Variants in NCOA1 observed in about 807,000 individuals in gnomAD.
NCOA1 encodes Hin-2 protein.
NCOA1 carries 35 observed loss-of-function variants against 150.9 expected under a neutral mutation model. The ratio of observed to expected loss-of-function variants is 0.23; its 90% CI spans 0.18 to 0.31. NCOA1 has a LOEUF of 0.31. Among genes scored for constraint, NCOA1 ranks in the 10% least tolerant of loss-of-function variants. The pLI is 1.00. For synonymous variants in NCOA1, 590 were observed against 630.0 expected, an observed-to-expected ratio of 0.94 and a Z score of 0.95; for missense variants, 1,491 against 1,749.3, an observed-to-expected ratio of 0.85 and a Z score of 2.63.
At chr2:24,691,701 T>C in intron 9 of NCOA1, 41 bp downstream of exon 9, 1 of 1,581,076 alleles carries the variant, frequency 6.3e-7, no homozygotes, top group African/African-American at 1.4e-5. Context: ...ATTTCTTCTG[T>C]GACTTTAAGG....
Position 24,741,911 on chromosome 2 carries a change from T to A in NCOA1, c.3431T>A (p.Leu1144His). ...LMRQQSFGNN[L>H]PPSSGLPVQM... is the part of the protein sequence containing the mutation. ...AGGCAGCAAAGCTTTGGGAACAACC[T>A]CCCTCCCTCATCTGGACTACCAGTT... Residue 1144 changes from leucine to histidine, a missense_variant, in exon 19 of 23, where the codon CTC becomes CAC. By Grantham distance (99) the Leu-to-His change is moderately conservative. Around this residue, in one of 8 missense-constraint regions of NCOA1, gnomAD observed 485 missense variants for 522.8 expected, o/e 0.93. Transcript: ENST00000348332. 1 of 1,614,146 alleles carries A rather than the reference T, an allele frequency of 6.2e-7. No homozygotes were observed. Among genetic ancestry groups the A allele is most frequent in the Middle Eastern group, 1.6e-4 (1 of 6,062 alleles).
intron 22 of NCOA1, among the ~76,000 whole-genome samples, chr2:24,763,769 C>T (rs1310056283): frequency 5.3e-5 from 8 of 151,198 alleles, no homozygotes; most frequent in African/African-American, 1.7e-4. Flanking sequence ...TATAGGCGCC[C>T]GCCACCATGC....
At chr2:24,604,857 G>A (rs1241874819) in intron 3 of NCOA1, among the ~76,000 whole-genome samples, 3 of 152,090 alleles carry the variant, frequency 2.0e-5, no homozygotes, top group Non-Finnish European at 4.4e-5. Flanking sequence ...AGTTCCAGCC[G>A]GTCTTGGCTT....
At chr2:24,674,632 A>G (rs538622814) in intron 7 of NCOA1, among the ~76,000 whole-genome samples, 15 of 152,310 alleles carry the variant, frequency 9.8e-5, no homozygotes, top group Non-Finnish European at 1.5e-4. Context: ...GATTTGTTGA[A>G]TACCTACAGT....
At chr2:24,759,630 C>G (rs918581774) in intron 21 of NCOA1, among the ~76,000 whole-genome samples, 12 of 152,112 alleles carry the variant, frequency 7.9e-5, no homozygotes, top group Non-Finnish European at 7.4e-5. Context: ...AGTAACTAGG[C>G]TATTACCATG....
intron 20 of NCOA1, among the ~76,000 whole-genome samples, chr2:24,757,523 A>T (rs1558343975): frequency 6.6e-6 from 1 of 152,190 alleles, no homozygotes; most frequent in Non-Finnish European, 1.5e-5. Context: ...TCTACAAGCA[A>T]ACACAATATA....
intron 8 of NCOA1, 108 bp downstream of exon 8, chr2:24,683,236 G>A: frequency 5.0e-6 from 3 of 600,856 alleles, no homozygotes; most frequent in Non-Finnish European, 7.2e-6. Flanking sequence ...TATTATATAT[G>A]TTATAATATG....
intron 12 of NCOA1, among the ~76,000 whole-genome samples, chr2:24,705,695 G>T (rs1673388724): frequency 6.6e-6 from 1 of 152,060 alleles, no homozygotes; most frequent in Admixed American, 6.6e-5. Flanking sequence ...TCTCTAATTT[G>T]TTCCCCTAAG....
intron 5 of NCOA1, among the ~76,000 whole-genome samples, chr2:24,663,919 A>G (rs1335488040): frequency 1.3e-5 from 2 of 152,190 alleles, no homozygotes; most frequent in African/African-American, 2.4e-5. Context: ...AAAACTTACC[A>G]TCAAAAACAT....
intron 1 of NCOA1, among the ~76,000 whole-genome samples, chr2:24,523,874 C>T (rs1324182202): frequency 1.6e-5 from 2 of 121,744 alleles, no homozygotes; most frequent in African/African-American, 3.1e-5. Context: ...TACAGTGAGC[C>T]GAGATCGTGC....
chr2:24,642,007 C>CGTGTGTGTGTGTGTGTGTGTGTGTGTGT, intron 3 of NCOA1, among the ~76,000 whole-genome samples: 1 of 145,032 alleles, frequency 6.9e-6, no homozygotes, highest in African/African-American at 2.6e-5. Context: ...TTACAGAGGG[C>CGTGTGTGTGTGTGTGTGTGTGTGTGTGT]GTGTGTGTGT....
At chr2:24,685,104 A>G (rs769077109) in intron 8 of NCOA1, among the ~76,000 whole-genome samples, 4 of 152,028 alleles carry the variant, frequency 2.6e-5, no homozygotes, top group Admixed American at 2.6e-4. Context: ...ATTTATATAT[A>G]TATATTCACC....
chr2:24,608,170 T>C (rs1466123548), intron 3 of NCOA1, among the ~76,000 whole-genome samples: 1 of 151,214 alleles, frequency 6.6e-6, no homozygotes, highest in Non-Finnish European at 1.5e-5. Flanking sequence ...AAAACTTTTT[T>C]AGCAATAATT....
chr2:24,766,327 A>G (rs1325025692), intron 22 of NCOA1, among the ~76,000 whole-genome samples: 1 of 152,240 alleles, frequency 6.6e-6, no homozygotes, highest in African/African-American at 2.4e-5. Context: ...CCAATATTTC[A>G]TATGTAGAAA....
At chr2:24,689,497 C>T (rs1672563795) in intron 8 of NCOA1, among the ~76,000 whole-genome samples, 1 of 152,024 alleles carries the variant, frequency 6.6e-6, no homozygotes, top group Non-Finnish European at 1.5e-5. Flanking sequence ...CAAGCTCCGC[C>T]TCCCAGGCTC....
intron 22 of NCOA1, among the ~76,000 whole-genome samples, chr2:24,765,313 C>A (rs1357403845): frequency 6.7e-6 from 1 of 150,292 alleles, no homozygotes; most frequent in African/African-American, 2.5e-5. Context: ...ACCATCCTGG[C>A]TAACACGGTG....
chr2:24,751,630 T>A (rs1664247860), intron 19 of NCOA1, among the ~76,000 whole-genome samples: 1 of 151,974 alleles, frequency 6.6e-6, no homozygotes, highest in African/African-American at 2.4e-5. Flanking sequence ...TAATTCATCA[T>A]GTATGTTCAT....
intron 2 of NCOA1, among the ~76,000 whole-genome samples, chr2:24,566,857 A>G (rs543732836): frequency 1.3e-5 from 2 of 152,364 alleles, no homozygotes; most frequent in Admixed American, 6.5e-5. Context: ...GGGAGCAGGA[A>G]GAGACCAGGC....
At chr2:24,756,939 T>C (rs1490619167) in intron 20 of NCOA1, among the ~76,000 whole-genome samples, 1 of 152,190 alleles carries the variant, frequency 6.6e-6, no homozygotes, top group African/African-American at 2.4e-5. Flanking sequence ...TAACTGCTTA[T>C]GTATTTTGCT....
Sources: gnomAD v4.1 joint callset for allele counts (sites outside exome capture counted in the v4.1 genomes callset) on GRCh38, gnomAD v4.1.1 for gene constraint, gnomAD v4.1.1 regional missense constraint, MANE v1.5 for transcripts, NCBI Gene and HGNC (gene_info 2026-07-23, HGNC 2026-07-21) for gene names.